ARL15: variants seen among roughly 807,000 people sequenced by gnomAD.
ARL15 encodes ADP-ribosylation factor-like protein 15.
A neutral mutation model predicts 25.2 loss-of-function variants in ARL15; 19 were observed. The ratio of observed to expected loss-of-function variants is 0.75; its 90% CI spans 0.53 to 1.10. The LOEUF (loss-of-function observed/expected upper bound fraction) is 1.10, where lower values mean the gene tolerates loss of function less well. Among genes scored for constraint, ARL15 ranks in the 50% least tolerant of loss-of-function variants. The pLI, the probability that ARL15 is intolerant of heterozygous loss-of-function variation, is 0.00. For missense variants in ARL15, 220 were observed against 246.0 expected (o/e 0.89, Z 0.71); for synonymous variants, 94 against 86.8 (o/e 1.08, Z -0.46).
At chr5:54,171,671 A>G (rs1451920013) in intron 2 of ARL15, 113 bp downstream of exon 2, 2 of 1,234,230 alleles carry the variant, frequency 1.6e-6, no homozygotes, top group Non-Finnish European at 2.2e-6. Context: ...AAATTAAAAT[A>G]AACTGATTAA....
chr5:53,993,793 G>A (rs1227462800), intron 4 of ARL15, among the ~76,000 whole-genome samples: 1 of 151,996 alleles, frequency 6.6e-6, no homozygotes, highest in Non-Finnish European at 1.5e-5. Context: ...GGCTGAATCT[G>A]GGATTAGGGA....
At chr5:53,966,770 C>T (rs1561169405) in intron 4 of ARL15, among the ~76,000 whole-genome samples, 1 of 152,186 alleles carries the variant, frequency 6.6e-6, no homozygotes, top group South Asian at 2.1e-4. Flanking sequence ...TTTTCCCAAA[C>T]AATAGCTATT....
At chr5:54,127,060 C>T (rs993675961) in intron 3 of ARL15, among the ~76,000 whole-genome samples, 3 of 151,896 alleles carry the variant, frequency 2.0e-5, no homozygotes, top group African/African-American at 7.3e-5. Context: ...TCCATGTGTT[C>T]TCATTGTTCA....
rs1249070949 is a variant in ARL15, at chr5:53,886,580, T to C, written c.596A>G (p.His199Arg). 5 of 1,561,958 alleles carry C rather than the reference T, an allele frequency of 3.2e-6. No homozygotes were observed. The highest frequency in any genetic ancestry group is 2.4e-5 in the South Asian group (2 of 84,662). The change falls in exon 5 of 5, where the codon CAT (histidine) becomes CGT (arginine). Residue 199 changes from histidine to arginine, a missense_variant. His to Arg is a conservative substitution (Grantham distance 29). Coordinates refer to ENST00000504924, the MANE Select transcript of ARL15 (RefSeq NM_019087.3). ...CAGATTTCACATTCTTACAGCTTCATGGTCTTTTTCTTCTAACAAATTAAT... is the reference window on the plus strand; with the variant it reads ...CAGATTTCACATTCTTACAGCTTCACGGTCTTTTTCTTCTAACAAATTAAT... ...QLINLLEEKD[H>R]EAVRM
intron 1 of ARL15, among the ~76,000 whole-genome samples, chr5:54,213,019 T>A (rs76120321): frequency 0.17 from 25,264 of 152,242 alleles, 2,526 homozygotes; most frequent in Admixed American, 0.29. Flanking sequence ...ATATGTTGTC[T>A]GATCAAGCAA....
chr5:54,023,912 C>T (rs369916245), intron 4 of ARL15, among the ~76,000 whole-genome samples: 6 of 152,226 alleles, frequency 3.9e-5, no homozygotes, highest in Admixed American at 6.5e-5. Context: ...TGTCCTAGGC[C>T]GGTGTATGTT....
At chr5:54,225,634 G>A (rs1316008911) in intron 1 of ARL15, among the ~76,000 whole-genome samples, 1 of 152,176 alleles carries the variant, frequency 6.6e-6, no homozygotes, top group Non-Finnish European at 1.5e-5. Context: ...ATAAAAGGAG[G>A]AAAGTCTGTG....
At chr5:53,955,087 T>C (rs1439823722) in intron 4 of ARL15, among the ~76,000 whole-genome samples, 4 of 150,298 alleles carry the variant, frequency 2.7e-5, no homozygotes, top group Non-Finnish European at 1.5e-5. Context: ...ATCGAGCACA[T>C]TTCATGTGCC....
In ARL15 at chr5:54,180,928, G is replaced by A. The variant is rs565377429; in HGVS notation, c.49-9000C>T. ...CAGACATCTGAGACTTTGAATGGAAGAGAGTGCTGCTGCGCTGAACCAGAC... is the reference window on the plus strand; with the variant it reads ...CAGACATCTGAGACTTTGAATGGAAAAGAGTGCTGCTGCGCTGAACCAGAC... On this transcript the variant is annotated intron_variant, in intron 1 of 4. Coordinates refer to ENST00000504924, the MANE Select transcript of ARL15 (RefSeq NM_019087.3). Among the ~76,000 whole-genome samples, 6 of 152,292 alleles carry A rather than the reference G, an allele frequency of 3.9e-5. No homozygotes were observed. The East Asian group carries it at 1.2e-3, about 29-fold the overall frequency.
At chr5:54,003,756 C>T (rs1748928609) in intron 4 of ARL15, among the ~76,000 whole-genome samples, 1 of 145,916 alleles carries the variant, frequency 6.9e-6, no homozygotes, top group Admixed American at 6.9e-5. Context: ...AATTTAGAAA[C>T]ATCATTCTTG....
intron 4 of ARL15, among the ~76,000 whole-genome samples, chr5:54,010,906 C>CG (rs1749216790): frequency 6.6e-6 from 1 of 150,668 alleles, no homozygotes; most frequent in Non-Finnish European, 1.5e-5. Context: ...AGGATGAGGC[C>CG]GGAGAATGGC....
chr5:54,307,791 C>A (rs1758796735), intron 1 of ARL15: 1 of 152,148 alleles, frequency 6.6e-6, no homozygotes, highest in Non-Finnish European at 1.5e-5. Flanking sequence ...GCTCTCTCTT[C>A]CAGTTTCCAA....
At chr5:54,305,522 G>A (rs1758734675) in intron 1 of ARL15, among the ~76,000 whole-genome samples, 1 of 152,008 alleles carries the variant, frequency 6.6e-6, no homozygotes, top group Non-Finnish European at 1.5e-5. Context: ...CTCATCCATG[G>A]GGGATATATT....
intron 4 of ARL15, chr5:53,887,373 T>C (rs1561136217): frequency 1.4e-6 from 1 of 700,890 alleles, no homozygotes; most frequent in Non-Finnish European, 2.6e-6. Context: ...TCTTTTTCAG[T>C]CCTGAATTTT....
chr5:54,078,870 A>G (rs1334231903), intron 4 of ARL15, among the ~76,000 whole-genome samples: 1 of 152,190 alleles, frequency 6.6e-6, no homozygotes, highest in African/African-American at 2.4e-5. Context: ...ATTAAGTGCT[A>G]TTATAAATAA....
chr5:54,189,727 CAG>C (rs1755341297), intron 1 of ARL15, among the ~76,000 whole-genome samples: 1 of 151,790 alleles, frequency 6.6e-6, no homozygotes, highest in South Asian at 2.1e-4. Flanking sequence ...GAAAAAAACA[CAG>C]GGCAAATGCT....
chr5:54,118,417 T>C (rs1234870682), intron 3 of ARL15, among the ~76,000 whole-genome samples: 1 of 152,190 alleles, frequency 6.6e-6, no homozygotes, highest in Admixed American at 6.5e-5. Context: ...TTTTCAAAAT[T>C]GTTGATTTTC....
intron 3 of ARL15, among the ~76,000 whole-genome samples, chr5:54,117,087 C>T (rs1329456590): frequency 6.6e-6 from 1 of 152,122 alleles, no homozygotes; most frequent in Non-Finnish European, 1.5e-5. Flanking sequence ...ATTTAGAAAG[C>T]CATTATTCCT....
intron 4 of ARL15, among the ~76,000 whole-genome samples, chr5:53,932,941 T>C (rs1226654141): frequency 6.6e-6 from 1 of 152,202 alleles, no homozygotes; most frequent in Non-Finnish European, 1.5e-5. Flanking sequence ...ATCTCTCAAA[T>C]GTCTCCAAAT....
Sources: gnomAD v4.1 joint callset for allele counts (sites outside exome capture counted in the v4.1 genomes callset) on GRCh38, gnomAD v4.1.1 for gene constraint, MANE v1.5 for transcripts, NCBI Gene and HGNC (gene_info 2026-07-23, HGNC 2026-07-21) for gene names.